The following PRKD1 variants were observed in gnomAD, a reference collection of about 807,000 sequenced individuals.
PRKD1 encodes serine/threonine-protein kinase D1.
In PRKD1, 63 loss-of-function variants were observed where a neutral mutation model predicts 95.9. The ratio of observed to expected loss-of-function variants is 0.66; its 90% CI spans 0.54 to 0.81. The LOEUF is 0.81. Among genes scored for constraint, PRKD1 ranks in the 30% least tolerant of loss-of-function variants. The pLI is 0.00. For synonymous variants in PRKD1, 425 were observed against 423.1 expected (o/e 1.00, Z -0.05); for missense variants, 1,048 against 1,165.3 (o/e 0.90, Z 1.47).
At chr14:29,600,891 T>G (rs761439980) in intron 13 of PRKD1, among the ~76,000 whole-genome samples, 2 of 152,030 alleles carry the variant, frequency 1.3e-5, no homozygotes, top group Non-Finnish European at 2.9e-5. Flanking sequence ...CTTTACCTTT[T>G]TTCTCTGCAC....
At chr14:29,590,000 T>C (rs1238993678) in intron 16 of PRKD1, among the ~76,000 whole-genome samples, 8 of 152,204 alleles carry the variant, frequency 5.3e-5, no homozygotes, top group African/African-American at 9.6e-5. Flanking sequence ...AAGTGATCTA[T>C]GAATCAGTGC....
intron 1 of PRKD1, among the ~76,000 whole-genome samples, chr14:29,753,017 G>C (rs897773667): frequency 1.3e-5 from 2 of 151,682 alleles, no homozygotes; most frequent in Admixed American, 1.3e-4. Context: ...AAGAAATGAG[G>C]GTATTGAAAG....
In PRKD1 at chr14:29,903,574, T is replaced by TC. The variant is rs1380503877; in HGVS notation, c.264+23674dup. On this transcript the variant is annotated intron_variant, in intron 1 of 17. Transcript: ENST00000331968. ...GAACCAAGCACCTAAACACATGATATCCCCTGACAGGGAGAGTACTATTCC... is the reference window on the plus strand; with the variant it reads ...GAACCAAGCACCTAAACACATGATATCCCCCTGACAGGGAGAGTACTATTCC... Among the ~76,000 whole-genome samples the TC allele has an allele frequency of 5.9e-5, 9 of 152,178 alleles. No individual in the cohort carries two copies. The East Asian group carries it at 1.2e-3, about 20-fold the overall frequency.
chr14:29,585,052 T>C lies in PRKD1; in HGVS notation c.2435-6692A>G, dbSNP rs534818500. ...TTCAAGCTCCTTGCCTTCAGGCAAG[T>C]GTTTTCTCTTTTTTTTTTCCCTTTC... On this transcript the variant is annotated intron_variant, in intron 16 of 17. Coordinates refer to ENST00000331968, the MANE Select transcript of PRKD1 (RefSeq NM_002742.3). 1.4e-4 allele frequency among the ~76,000 whole-genome samples: 22 copies of C among 152,208 alleles called. No individual in the cohort carries two copies. The South Asian group carries it at 3.3e-3, about 23-fold the overall frequency.
chr14:29,778,884 C>T (rs1407090530), intron 1 of PRKD1, among the ~76,000 whole-genome samples: 1 of 152,154 alleles, frequency 6.6e-6, no homozygotes, highest in East Asian at 1.9e-4. Context: ...TGCAAAAATC[C>T]TCAATAAAAT....
At chr14:29,816,230 A>C (rs1232227532) in intron 1 of PRKD1, among the ~76,000 whole-genome samples, 1 of 152,078 alleles carries the variant, frequency 6.6e-6, no homozygotes, top group Non-Finnish European at 1.5e-5. Context: ...CATCTCAGTA[A>C]ATAAATAAAT....
chr14:29,763,702 C>A (rs1190114311), intron 1 of PRKD1, among the ~76,000 whole-genome samples: 1 of 152,056 alleles, frequency 6.6e-6, no homozygotes, highest in Non-Finnish European at 1.5e-5. Flanking sequence ...TGGCCTGTGT[C>A]TCATAGAAGC....
At chr14:29,881,110 G>C (rs938503108) in intron 1 of PRKD1, among the ~76,000 whole-genome samples, 1 of 152,122 alleles carries the variant, frequency 6.6e-6, no homozygotes, top group African/African-American at 2.4e-5. Flanking sequence ...GATTTGGAGG[G>C]GCCAGGGGTG....
intron 1 of PRKD1, among the ~76,000 whole-genome samples, chr14:29,883,480 A>T (rs1307027754): frequency 6.6e-6 from 1 of 152,156 alleles, no homozygotes; most frequent in Non-Finnish European, 1.5e-5. Context: ...TTTAGATGAA[A>T]TTTTATCTTT....
At chr14:29,908,562 G>A (rs1894577123) in intron 1 of PRKD1, among the ~76,000 whole-genome samples, 1 of 152,150 alleles carries the variant, frequency 6.6e-6, no homozygotes, top group Non-Finnish European at 1.5e-5. Context: ...TGGGATTACA[G>A]GCGTGAGCCA....
In PRKD1 at chr14:29,631,021, CCTGTG is replaced by C. The variant is rs1459947397; in HGVS notation, c.1393-5_1393-1del. ...GACAAAATTTCAGATAAAGGAATTT[CCTGTG>C]AAAGAAAAAAAGTACTAAATGTTGT... On this transcript the variant is annotated splice_acceptor_variant and splice_polypyrimidine_tract_variant and intron_variant, in intron 9 of 17. Transcript: ENST00000331968. LOFTEE classifies it high-confidence loss of function. 1 of 1,595,180 alleles carries C rather than the reference CCTGTG, an allele frequency of 6.3e-7. No individual in the cohort carries two copies. The highest frequency in any genetic ancestry group is 1.4e-5 in the African/African-American group (1 of 74,004).
At chr14:29,807,205 C>T (rs939756612) in intron 1 of PRKD1, among the ~76,000 whole-genome samples, 22 of 152,040 alleles carry the variant, frequency 1.4e-4, no homozygotes, top group African/African-American at 2.9e-4. Context: ...AGAGCTCAGA[C>T]GGTAATGCTC....
At chr14:29,609,540 A>ATATATATT (rs1878293317) in intron 13 of PRKD1, among the ~76,000 whole-genome samples, 1 of 143,576 alleles carries the variant, frequency 7.0e-6, no homozygotes, top group Non-Finnish European at 1.5e-5. Context: ...ACACACACAT[A>ATATATATT]TATATATTTT....
At chr14:29,866,644 C>CAA (rs1369843925) in intron 1 of PRKD1, among the ~76,000 whole-genome samples, 1 of 151,988 alleles carries the variant, frequency 6.6e-6, no homozygotes, top group Non-Finnish European at 1.5e-5. Flanking sequence ...GGGGGCAGTG[C>CAA]AGAAAGAGGT....
At chr14:29,789,732 G>A (rs1416353922) in intron 1 of PRKD1, among the ~76,000 whole-genome samples, 1 of 152,144 alleles carries the variant, frequency 6.6e-6, no homozygotes, top group East Asian at 1.9e-4. Flanking sequence ...ATCAGTGGCA[G>A]CAAGAAGGGT....
intron 1 of PRKD1, among the ~76,000 whole-genome samples, chr14:29,814,950 A>C (rs1350658220): frequency 1.3e-5 from 2 of 152,212 alleles, no homozygotes; most frequent in Non-Finnish European, 2.9e-5. Flanking sequence ...TGCCAGTCTA[A>C]AGGAAGATGA....
At chr14:29,591,879 T>C (rs1403386905) in intron 16 of PRKD1, among the ~76,000 whole-genome samples, 2 of 152,148 alleles carry the variant, frequency 1.3e-5, no homozygotes, top group Non-Finnish European at 2.9e-5. Flanking sequence ...AGGGATATCT[T>C]GATCTATTTC....
chr14:29,765,441 T>C (rs1252644205), intron 1 of PRKD1, among the ~76,000 whole-genome samples: 1 of 152,188 alleles, frequency 6.6e-6, no homozygotes, highest in Non-Finnish European at 1.5e-5. Context: ...CTGGTACAAA[T>C]ATAAATGGGT....
At position 29,634,431 on chromosome 14, in the gene PRKD1, C is replaced by G. The variant is rs149202871; in HGVS notation, c.1301G>C (p.Ser434Thr). Residue 434 changes from serine (S) to threonine (T), a missense_variant, in exon 8 of 18, where the codon AGC (serine) becomes ACC (threonine). Physicochemically the swap from Ser to Thr is moderately conservative, Grantham distance 58. Transcript: ENST00000331968. ...TGTGGATCTTACCAGCGTGTCCTTG[C>G]TGGTGTAGTGGACCATCCATCCTTC... ...MKEGWMVHYT[S>T]KDTLRKRHYW... 28 of 1,613,940 alleles carry G rather than the reference C, an allele frequency of 1.7e-5. No individual in the cohort carries two copies. Among genetic ancestry groups the G allele is most frequent in the Non-Finnish European group, 2.4e-5 (28 of 1,179,950 alleles).
Sources: allele counts gnomAD v4.1 joint callset (sites outside exome capture counted in the v4.1 genomes callset), GRCh38; gene constraint gnomAD v4.1.1; transcripts MANE v1.5; gene names NCBI Gene and HGNC (gene_info 2026-07-23, HGNC 2026-07-21).